The following FAM81A variants were observed in gnomAD, a reference collection of about 807,000 sequenced individuals.
The protein encoded by FAM81A is family with sequence similarity 81 member A, also known as protein FAM81A.
In FAM81A, 19 loss-of-function variants were observed where a neutral mutation model predicts 46.7. That is an observed-to-expected ratio of 0.41 (90% CI 0.28 to 0.60). The LOEUF (loss-of-function observed/expected upper bound fraction) is 0.60. FAM81A is among the 20% of genes least tolerant of loss of function. FAM81A has a pLI of 0.34. For missense variants in FAM81A, 377 were observed against 453.5 expected, an observed-to-expected ratio of 0.83 and a Z score of 1.53; for synonymous variants, 183 against 152.9, an observed-to-expected ratio of 1.20 and a Z score of -1.45.
At chr15:59,442,308 T>C (rs1295773750) in intron 1 of FAM81A, among the ~76,000 whole-genome samples, 1 of 152,122 alleles carries the variant, frequency 6.6e-6, no homozygotes, top group Non-Finnish European at 1.5e-5. Flanking sequence ...ATAATTCAAA[T>C]TTATAGAAAA....
chr15:59,518,642 T>C (rs2082292578), intron 8 of FAM81A, among the ~76,000 whole-genome samples: 1 of 152,158 alleles, frequency 6.6e-6, no homozygotes, highest in Non-Finnish European at 1.5e-5. Context: ...ATTATTTCAG[T>C]GTATATATCC....
At position 59,507,274 on chromosome 15, in the gene FAM81A, C is replaced by T; in HGVS notation, c.475C>T (p.His159Tyr). The change falls in exon 5 of 9, where the codon CAC becomes TAC. Residue 159 changes from histidine to tyrosine, a missense_variant. Coordinates refer to ENST00000288228, the MANE Select transcript of FAM81A (RefSeq NM_152450.3). Reference sequence around the variant, plus strand: ...CAAAACGACCTATGAGGGGCTCCAGCACTTGAACAAAGAACAGCAGGCTGC... The same window carrying T: ...CAAAACGACCTATGAGGGGCTCCAGTACTTGAACAAAGAACAGCAGGCTGC... ...EHKTTYEGLQHLNKEQQAAKL... is the reference protein window; with the variant it reads ...EHKTTYEGLQYLNKEQQAAKL... The T allele has an allele frequency of 6.2e-7, 1 of 1,611,972 alleles. No homozygotes were observed. The highest frequency in any genetic ancestry group is 8.5e-7 in the Non-Finnish European group (1 of 1,179,088).
At chr15:59,518,815 ATTG>A (rs2082295019) in intron 8 of FAM81A, among the ~76,000 whole-genome samples, 1 of 152,078 alleles carries the variant, frequency 6.6e-6, no homozygotes, top group East Asian at 1.9e-4. Context: ...AATAAAAAAA[ATTG>A]TTGTGTATAT....
In FAM81A at chr15:59,522,887, G is replaced by C. The variant is rs1228172333; in HGVS notation, c.*1509G>C. On this transcript the variant is annotated 3_prime_UTR_variant, in exon 9 of 9. Coordinates refer to ENST00000288228, the MANE Select transcript of FAM81A (RefSeq NM_152450.3). ...CTTGACAATTTTTTTTTTCAAATTT[G>C]GACATGAGAGGTTATATAGGGACTA... 6.6e-6 allele frequency: 1 copy of C among 151,196 alleles called. No homozygotes were observed. The highest frequency in any genetic ancestry group is 1.5e-5 in the Non-Finnish European group (1 of 67,774). 9.4% of individuals were successfully genotyped at this position (151,196 alleles called of 1,614,324 possible).
intron 2 of FAM81A, among the ~76,000 whole-genome samples, chr15:59,430,357 C>T (rs9920727): frequency 0.21 from 31,696 of 149,454 alleles, 4,401 homozygotes; most frequent in East Asian, 0.43. Flanking sequence ...CTCCGCCTCC[C>T]GGGTTCAAGC....
intron 1 of FAM81A, among the ~76,000 whole-genome samples, chr15:59,452,267 G>T (rs894302823): frequency 6.6e-6 from 1 of 152,156 alleles, no homozygotes; most frequent in African/African-American, 2.4e-5. Flanking sequence ...GATTATAAAC[G>T]CTATTTCAGT....
intron 4 of FAM81A, among the ~76,000 whole-genome samples, chr15:59,495,857 T>C (rs905264890): frequency 1.5e-4 from 23 of 152,226 alleles, no homozygotes; most frequent in African/African-American, 5.5e-4. Context: ...CATTTTTAAA[T>C]TGGGTAATTG....
chr15:59,486,699 G>A (rs1475510956), intron 3 of FAM81A, among the ~76,000 whole-genome samples: 1 of 152,112 alleles, frequency 6.6e-6, no homozygotes, highest in Non-Finnish European at 1.5e-5. Context: ...GCTCCAATAA[G>A]TTTGGCAACA....
chr15:59,431,532 CT>C (rs528145205), intron 2 of FAM81A, among the ~76,000 whole-genome samples: 709 of 135,450 alleles, frequency 5.2e-3, no homozygotes, highest in Middle Eastern at 0.012. Context: ...TGCAACCAGC[CT>C]TTTTTTTTTT....
At chr15:59,476,647 G>C (rs1220393168) in intron 3 of FAM81A, among the ~76,000 whole-genome samples, 3 of 151,856 alleles carry the variant, frequency 2.0e-5, no homozygotes, top group Admixed American at 6.6e-5. Flanking sequence ...AAAATTAGCT[G>C]GGCCTGATGG....
chr15:59,487,095 AATAAG>A (rs1209000687), intron 3 of FAM81A, among the ~76,000 whole-genome samples: 1 of 150,894 alleles, frequency 6.6e-6, no homozygotes, highest in Non-Finnish European at 1.5e-5. Flanking sequence ...TAGACAGTAC[AATAAG>A]ATATGAATAG....
chr15:59,469,130 T>C (rs1197845420), intron 3 of FAM81A, among the ~76,000 whole-genome samples: 2 of 152,198 alleles, frequency 1.3e-5, no homozygotes, highest in African/African-American at 4.8e-5. Context: ...TTACTTCCAA[T>C]TATGTGGTCA....
intron 1 of FAM81A, among the ~76,000 whole-genome samples, chr15:59,439,605 G>A (rs2081275753): frequency 6.6e-6 from 1 of 152,064 alleles, no homozygotes; most frequent in South Asian, 2.1e-4. Flanking sequence ...ATTTTCATTC[G>A]AATCTGATTT....
chr15:59,433,868 T>C (rs73432622), upstream of FAM81A, among the ~76,000 whole-genome samples: 2,264 of 152,286 alleles, frequency 0.015, 62 homozygotes, highest in African/African-American at 0.052. Context: ...CATAATACCT[T>C]TGGGACCTTT....
At chr15:59,477,198 A>T (rs1447083299) in intron 3 of FAM81A, among the ~76,000 whole-genome samples, 3 of 152,292 alleles carry the variant, frequency 2.0e-5, no homozygotes, top group African/African-American at 7.2e-5. Context: ...CAGTTTTAAA[A>T]CAGAGGTGTG....
chr15:59,434,718 C>T (rs578058143), upstream of FAM81A, among the ~76,000 whole-genome samples: 1 of 152,180 alleles, frequency 6.6e-6, no homozygotes, highest in Non-Finnish European at 1.5e-5. Context: ...CAACGTGTAA[C>T]ACTCCTCCCA....
intron 3 of FAM81A, among the ~76,000 whole-genome samples, chr15:59,483,416 T>TC (rs1237790010): frequency 6.6e-6 from 1 of 152,094 alleles, no homozygotes; most frequent in Non-Finnish European, 1.5e-5. Flanking sequence ...ATTCCTAATT[T>TC]CTTTTTTTTT....
At chr15:59,431,898 C>T (rs148869501) in intron 2 of FAM81A, among the ~76,000 whole-genome samples, 2 of 152,188 alleles carry the variant, frequency 1.3e-5, no homozygotes, top group African/African-American at 2.4e-5. Context: ...GGTAGAGAAT[C>T]CTGCAACCCT....
chr15:59,482,352 T>A (rs1422432522), intron 3 of FAM81A, among the ~76,000 whole-genome samples: 1 of 152,200 alleles, frequency 6.6e-6, no homozygotes, highest in Non-Finnish European at 1.5e-5. Context: ...CACTACGATC[T>A]CCACTACCTG....
Sources: gnomAD v4.1 joint callset for allele counts (sites outside exome capture counted in the v4.1 genomes callset) on GRCh38, gnomAD v4.1.1 for gene constraint, MANE v1.5 for transcripts, NCBI Gene and HGNC (gene_info 2026-07-23, HGNC 2026-07-21) for gene names.